SCG5: variants seen among roughly 807,000 people sequenced by gnomAD.
The protein encoded by SCG5 is neuroendocrine protein 7B2.
Under a neutral mutation model 25.7 loss-of-function variants are expected in SCG5, and 18 were observed. The ratio of observed to expected loss-of-function variants is 0.70; its 90% confidence interval spans 0.48 to 1.04. SCG5 has a LOEUF of 1.04. SCG5 is among the 50% of genes least tolerant of loss of function. The probability of loss-of-function intolerance (pLI) is 0.00; values close to 1 mark genes in which losing one functional copy is unlikely to be tolerated. For synonymous variants in SCG5, 101 were observed against 91.7 expected (o/e 1.10, Z -0.58); for missense variants, 206 against 259.8 (o/e 0.79, Z 1.42).
intron 2 of SCG5, among the ~76,000 whole-genome samples, chr15:32,665,364 G>T (rs74011141): frequency 0.023 from 3,359 of 146,696 alleles, 50 homozygotes; most frequent in African/African-American, 0.031. Context: ...CTGGTTTGGG[G>T]TTTTTTTTTT....
chr15:32,690,341 G>A (rs1272317823), intron 4 of SCG5, among the ~76,000 whole-genome samples: 5 of 152,072 alleles, frequency 3.3e-5, no homozygotes, highest in African/African-American at 7.2e-5. Context: ...ACCCCTTCCC[G>A]GCCTTCCCAG....
At chr15:32,670,581 T>C (rs2140547585) in intron 2 of SCG5, among the ~76,000 whole-genome samples, 1 of 152,356 alleles carries the variant, frequency 6.6e-6, no homozygotes, top group South Asian at 2.1e-4. Context: ...GAGGTGATAA[T>C]ATCCATCTCT....
At chr15:32,682,928 A>C (rs2054645910) in intron 3 of SCG5, among the ~76,000 whole-genome samples, 1 of 152,120 alleles carries the variant, frequency 6.6e-6, no homozygotes, top group Non-Finnish European at 1.5e-5. Flanking sequence ...GCCCGGAGAC[A>C]CCTTCGGTTC....
chr15:32,693,913 C>A (rs1463564758), intron 5 of SCG5, among the ~76,000 whole-genome samples: 1 of 152,148 alleles, frequency 6.6e-6, no homozygotes, highest in East Asian at 1.9e-4. Context: ...AGTTCAAGAC[C>A]AGCCTGGCCA....
At chr15:32,671,455 C>T (rs2054422063) in intron 2 of SCG5, among the ~76,000 whole-genome samples, 1 of 152,120 alleles carries the variant, frequency 6.6e-6, no homozygotes, top group South Asian at 2.1e-4. Context: ...TCATGTTGGC[C>T]ATTTCTTTCA....
At chr15:32,643,907 T>G in intron 2 of SCG5, 89 bp downstream of exon 2, 1 of 1,113,726 alleles carries the variant, frequency 9.0e-7, no homozygotes, top group Non-Finnish European at 1.3e-6. Flanking sequence ...TATAAGTAGA[T>G]GCCTTTATTA....
chr15:32,664,209 C>T (rs914337156), intron 2 of SCG5, among the ~76,000 whole-genome samples: 4 of 152,038 alleles, frequency 2.6e-5, no homozygotes, highest in Admixed American at 1.3e-4. Flanking sequence ...AAATGAGGCC[C>T]TGAGAGGTAA....
intron 2 of SCG5, among the ~76,000 whole-genome samples, chr15:32,653,469 A>G (rs1313015558): frequency 6.6e-6 from 1 of 152,246 alleles, no homozygotes; most frequent in Admixed American, 6.5e-5. Flanking sequence ...GTGTATTTTC[A>G]TGGAAGTCAC....
chr15:32,646,560 G>A (rs4396507), intron 2 of SCG5, among the ~76,000 whole-genome samples: 135,524 of 152,238 alleles, frequency 0.89, 60,960 homozygotes, highest in East Asian at 0.99. Context: ...GACCTTTTTC[G>A]GATAACAAGG....
chr15:32,654,726 C>T (rs534049626), intron 2 of SCG5, among the ~76,000 whole-genome samples: 9 of 152,238 alleles, frequency 5.9e-5, no homozygotes, highest in South Asian at 2.1e-4. Context: ...TTTGCAAATG[C>T]GCACACAGTA....
chr15:32,648,833 G>A (rs1414078987), intron 2 of SCG5, among the ~76,000 whole-genome samples: 4 of 150,870 alleles, frequency 2.7e-5, no homozygotes, highest in African/African-American at 9.8e-5. Context: ...GTGCAATGGT[G>A]CGATCTCGGC....
intron 2 of SCG5, among the ~76,000 whole-genome samples, chr15:32,669,458 T>TA (rs1394368301): frequency 6.6e-6 from 1 of 152,204 alleles, no homozygotes; most frequent in African/African-American, 2.4e-5. Context: ...TAATAACTGA[T>TA]ACCTCAACTT....
At chr15:32,657,111 A>G (rs1263659049) in intron 2 of SCG5, among the ~76,000 whole-genome samples, 1 of 146,900 alleles carries the variant, frequency 6.8e-6, no homozygotes, top group Non-Finnish European at 1.5e-5. Context: ...ATTAAATAAT[A>G]TATATAAACG....
intron 2 of SCG5, among the ~76,000 whole-genome samples, chr15:32,650,980 C>T (rs2054023091): frequency 1.3e-5 from 2 of 152,148 alleles, no homozygotes; most frequent in South Asian, 2.1e-4. Flanking sequence ...GGCGGATCAC[C>T]TGAGGTCAGA....
intron 2 of SCG5, among the ~76,000 whole-genome samples, chr15:32,648,296 C>T (rs1264446367): frequency 6.6e-6 from 1 of 152,124 alleles, no homozygotes; most frequent in African/African-American, 2.4e-5. Flanking sequence ...ACTCCAAACA[C>T]CCTGGTCCAA....
At chr15:32,657,199 GTATA>G (rs71113463) in intron 2 of SCG5, among the ~76,000 whole-genome samples, 2 of 6,674 alleles carry the variant, frequency 3.0e-4, no homozygotes, top group African/African-American at 1.0e-3. Context: ...TCATCCTCCT[GTATA>G]TATATATATG....
chr15:32,688,035 G>A (rs1324722407), intron 4 of SCG5, among the ~76,000 whole-genome samples: 1 of 152,144 alleles, frequency 6.6e-6, no homozygotes, highest in Non-Finnish European at 1.5e-5. Flanking sequence ...ATGAGAAAAT[G>A]CAGGCTTGGG....
At chr15:32,680,105 C>A (rs1362968824) in intron 3 of SCG5, among the ~76,000 whole-genome samples, 190 bp downstream of exon 3, 1 of 152,006 alleles carries the variant, frequency 6.6e-6, no homozygotes, top group African/African-American at 2.4e-5. Context: ...TCAGACACAC[C>A]CACATAGGAT....
At chr15:32,655,663 G>A (rs1363193841) in intron 2 of SCG5, among the ~76,000 whole-genome samples, 3 of 152,078 alleles carry the variant, frequency 2.0e-5, no homozygotes, top group Admixed American at 1.3e-4. Flanking sequence ...CTTTGGGGGT[G>A]ATTAGACCTT....
Sources: gnomAD v4.1 joint callset for allele counts (sites outside exome capture counted in the v4.1 genomes callset) on GRCh38, gnomAD v4.1.1 for gene constraint, MANE v1.5 for transcripts, NCBI Gene and HGNC (gene_info 2026-07-23, HGNC 2026-07-21) for gene names.